The following FMN2 variants were observed in gnomAD, a reference collection of about 807,000 sequenced individuals.
FMN2 encodes formin 2.
In FMN2, 51 loss-of-function variants were observed where a neutral mutation model predicts 142.3. The ratio of observed to expected loss-of-function variants is 0.36; its 90% CI spans 0.29 to 0.45. FMN2 has a LOEUF of 0.45. Among genes scored for constraint, FMN2 ranks in the 20% least tolerant of loss-of-function variants. The pLI, the probability that FMN2 is intolerant of heterozygous loss-of-function variation, is 1.00. For missense variants in FMN2, 1,936 were observed against 2,122.8 expected (o/e 0.91, Z 1.73); for synonymous variants, 882 against 869.8 (o/e 1.01, Z -0.25).
intron 15 of FMN2, among the ~76,000 whole-genome samples, chr1:240,415,312 A>G (rs1460583009): frequency 3.3e-5 from 5 of 152,046 alleles, no homozygotes; most frequent in Non-Finnish European, 7.4e-5. Flanking sequence ...ACATGTCCTC[A>G]CTCATAAGTG....
chr1:240,391,135 G>A (rs1329597379), intron 14 of FMN2, among the ~76,000 whole-genome samples: 1 of 151,914 alleles, frequency 6.6e-6, no homozygotes, highest in East Asian at 1.9e-4. Flanking sequence ...TTTTAATATA[G>A]TTAACAATTG....
At chr1:240,246,112 G>A (rs1487626880) in intron 6 of FMN2, among the ~76,000 whole-genome samples, 1 of 152,012 alleles carries the variant, frequency 6.6e-6, no homozygotes, top group South Asian at 2.1e-4. Context: ...CCCAGGAGGC[G>A]GAGGTTGCAG....
chr1:240,439,279 A>AAAAAAAAAGAAAGAAAG (rs555074808), intron 16 of FMN2, among the ~76,000 whole-genome samples: 4 of 124,772 alleles, frequency 3.2e-5, no homozygotes, highest in East Asian at 4.9e-4. Context: ...TCAAAAAAAA[A>AAAAAAAAAGAAAGAAAG]AAAGAAAGAA....
chr1:240,154,811 TA>T (rs756541884), intron 2 of FMN2: 1 of 148,306 alleles, frequency 6.7e-6, no homozygotes, highest in Non-Finnish European at 1.5e-5. Context: ...AGGAATATGC[TA>T]ATTTTTTCCT....
chr1:240,168,252 G>A (rs907187025), intron 2 of FMN2, among the ~76,000 whole-genome samples: 2 of 151,968 alleles, frequency 1.3e-5, no homozygotes, highest in Non-Finnish European at 2.9e-5. Flanking sequence ...CTTTTATCCA[G>A]CCAGTCAGTC....
At chr1:240,443,320 G>T (rs1433424176) in intron 16 of FMN2, among the ~76,000 whole-genome samples, 1 of 152,164 alleles carries the variant, frequency 6.6e-6, no homozygotes, top group Non-Finnish European at 1.5e-5. Context: ...CATCTACTTG[G>T]AACTAGACAT....
chr1:240,217,788 T>G (rs1260568368), intron 6 of FMN2, among the ~76,000 whole-genome samples: 1 of 151,018 alleles, frequency 6.6e-6, no homozygotes, highest in Non-Finnish European at 1.5e-5. Flanking sequence ...TTTATACTTC[T>G]AAGTAAATGG....
intron 15 of FMN2, among the ~76,000 whole-genome samples, chr1:240,398,776 C>T (rs1435570437): frequency 6.6e-6 from 1 of 152,108 alleles, no homozygotes; most frequent in African/African-American, 2.4e-5. Flanking sequence ...TCCCTTCACC[C>T]CAGGAAAATA....
At chr1:240,395,575 T>C (rs1673746636) in intron 15 of FMN2, among the ~76,000 whole-genome samples, 1 of 152,116 alleles carries the variant, frequency 6.6e-6, no homozygotes, top group Non-Finnish European at 1.5e-5. Context: ...TTGGAAGAAG[T>C]TAATTGTAAC....
At chr1:240,346,235 A>G (rs185637607) in intron 13 of FMN2, among the ~76,000 whole-genome samples, 4 of 152,256 alleles carry the variant, frequency 2.6e-5, no homozygotes, top group Admixed American at 2.6e-4. Context: ...CATACCTATG[A>G]TAAAACTTAA....
At chr1:240,176,654 G>A (rs1664928030) in intron 2 of FMN2, among the ~76,000 whole-genome samples, 1 of 152,170 alleles carries the variant, frequency 6.6e-6, no homozygotes, top group African/African-American at 2.4e-5. Flanking sequence ...CATTCATTAT[G>A]TTAATTAAAG....
intron 7 of FMN2, chr1:240,285,262 G>C (rs1237343807): frequency 2.2e-6 from 1 of 455,416 alleles, no homozygotes; most frequent in Non-Finnish European, 4.4e-6. Flanking sequence ...TGATGTGTTG[G>C]ATGTGGAAGG....
At position 240,385,163 on chromosome 1, in the gene FMN2, T is replaced by C. The variant is rs564855793; in HGVS notation, c.4859-7348T>C. Among the ~76,000 whole-genome samples the C allele has an allele frequency of 5.9e-5, 9 of 152,332 alleles. No homozygotes were observed. The East Asian group carries it at 1.2e-3, about 20-fold the overall frequency. On this transcript the variant is annotated intron_variant, in intron 14 of 17. Coordinates refer to ENST00000319653, the MANE Select transcript of FMN2 (RefSeq NM_020066.5). ...GAAAAGAAACACATCAGAAGTTTTT[T>C]TGGCTTTCTTATTTTTGTTTCCAGC... is the stretch of plus-strand genomic sequence containing the variant.
intron 6 of FMN2, among the ~76,000 whole-genome samples, chr1:240,216,901 A>G (rs1465028593): frequency 6.6e-6 from 1 of 152,074 alleles, no homozygotes; most frequent in African/African-American, 2.4e-5. Context: ...GTGAGCCGAG[A>G]TCGCGCCACT....
chr1:240,356,434 A>G (rs1672275638), intron 14 of FMN2, among the ~76,000 whole-genome samples: 1 of 152,174 alleles, frequency 6.6e-6, no homozygotes. Context: ...CAGGGAGCTT[A>G]AAAACATTAT....
At chr1:240,432,249 A>T (rs1178029582) in intron 15 of FMN2, among the ~76,000 whole-genome samples, 1 of 151,964 alleles carries the variant, frequency 6.6e-6, no homozygotes. Flanking sequence ...TTGTTTAAGT[A>T]ATTTGCTTAT....
At chr1:240,307,741 G>T (rs1461882480) in intron 8 of FMN2, among the ~76,000 whole-genome samples, 1 of 151,998 alleles carries the variant, frequency 6.6e-6, no homozygotes, top group Non-Finnish European at 1.5e-5. Flanking sequence ...TGTTTCATTT[G>T]AATTTTAGAA....
At chr1:240,225,610 A>T (rs1572088765) in intron 6 of FMN2, among the ~76,000 whole-genome samples, 1 of 152,368 alleles carries the variant, frequency 6.6e-6, no homozygotes, top group Non-Finnish European at 1.5e-5. Context: ...TGGAATTGAT[A>T]AAATATAATG....
At chr1:240,471,393 G>A (rs992908594) in intron 16 of FMN2, among the ~76,000 whole-genome samples, 28 of 147,948 alleles carry the variant, frequency 1.9e-4, no homozygotes, top group South Asian at 2.1e-4. Flanking sequence ...ACGGAGTCTC[G>A]CTCTGTCACC....
Sources: allele counts gnomAD v4.1 joint callset (sites outside exome capture counted in the v4.1 genomes callset), GRCh38; gene constraint gnomAD v4.1.1; transcripts MANE v1.5; gene names NCBI Gene and HGNC (gene_info 2026-07-23, HGNC 2026-07-21).